Variants in ANO5 observed in about 807,000 individuals in gnomAD.
The protein encoded by ANO5 is anoctamin 5.
In ANO5, 109 loss-of-function variants were observed where a neutral mutation model predicts 121.0. The ratio of observed to expected loss-of-function variants is 0.90; its 90% CI spans 0.77 to 1.06. ANO5 has a LOEUF of 1.06. Ranked by LOEUF, ANO5 falls within the 50% of genes least tolerant of loss-of-function variation. The probability of loss-of-function intolerance (pLI) is 0.00; values close to 1 mark genes in which losing one functional copy is unlikely to be tolerated. For missense variants in ANO5, 1,064 were observed against 1,078.5 expected (o/e 0.99, Z 0.19); for synonymous variants, 406 against 359.9 (o/e 1.13, Z -1.45).
At chr11:22,261,739 A>C (rs12281515) in intron 15 of ANO5, 21,773 of 226,340 alleles carry the variant, frequency 0.096, 3,844 homozygotes, top group African/African-American at 0.41. Context: ...GGGAAACCAC[A>C]CCCATGATTC....
intron 13 of ANO5, 50 bp from the exon 14 acceptor site, chr11:22,257,630 G>A (rs761647017): frequency 1.4e-6 from 2 of 1,470,456 alleles, no homozygotes; most frequent in East Asian, 2.3e-5. Context: ...TTGGAGTCTT[G>A]ACTTAGAGGG....
At chr11:22,229,320 T>C (rs192959629) in intron 7 of ANO5, among the ~76,000 whole-genome samples, 3 of 152,146 alleles carry the variant, frequency 2.0e-5, no homozygotes, top group Admixed American at 2.0e-4. Flanking sequence ...AGTTCCTAAA[T>C]AAATATTTTT....
chr11:22,227,242 T>G, intron 6 of ANO5, 60 bp from the exon 7 acceptor site: 2 of 1,579,152 alleles, frequency 1.3e-6, no homozygotes, highest in Non-Finnish European at 8.7e-7. Context: ...TCTTATTTAA[T>G]CAGCTCAATA....
intron 1 of ANO5, among the ~76,000 whole-genome samples, chr11:22,199,794 G>C (rs530189150): frequency 2.3e-4 from 35 of 152,162 alleles, no homozygotes; most frequent in African/African-American, 7.5e-4. Context: ...GCCTCTTAGA[G>C]ATCTATAGTT....
chr11:22,263,008 A>G lies in ANO5; in HGVS notation c.1863A>G (p.Lys621=). 6.2e-7 allele frequency: 1 copy of G among 1,613,654 alleles called. No homozygotes were observed. Among genetic ancestry groups the G allele is most frequent in the Non-Finnish European group, 8.5e-7 (1 of 1,179,764 alleles). Residue 621 remains lysine (K), a synonymous_variant, in exon 17 of 22, where the codon AAA becomes AAG. Transcript: ENST00000324559. ...AATTGACCATTATAATGACCGGGAA[A>G]CAGATTTTTGGAAACATTAAAGAAG... ...TTQLTIIMTG[K]QIFGNIKEAI...
intron 17 of ANO5, among the ~76,000 whole-genome samples, chr11:22,264,473 T>A (rs1438701767): frequency 1.2e-4 from 14 of 120,028 alleles, no homozygotes; most frequent in African/African-American, 7.5e-4. Flanking sequence ...ATAAAAAAAT[T>A]TTAAAAAAAA....
intron 9 of ANO5, among the ~76,000 whole-genome samples, chr11:22,247,106 T>C (rs1853650510): frequency 6.6e-6 from 1 of 152,136 alleles, no homozygotes; most frequent in Non-Finnish European, 1.5e-5. Context: ...GCACCTATCT[T>C]CATGACAACC....
At chr11:22,199,212 T>G (rs1851892990) in intron 1 of ANO5, among the ~76,000 whole-genome samples, 1 of 152,180 alleles carries the variant, frequency 6.6e-6, no homozygotes, top group Non-Finnish European at 1.5e-5. Context: ...TACAGCAGTT[T>G]TGAAGCTTAA....
chr11:22,231,933 G>A (rs555481419), intron 7 of ANO5, among the ~76,000 whole-genome samples: 10 of 151,970 alleles, frequency 6.6e-5, no homozygotes, highest in East Asian at 1.9e-4. Flanking sequence ...TCCATAAGTC[G>A]TAATTATCAC....
chr11:22,197,612 ATATTT>A (rs936164577), intron 1 of ANO5, among the ~76,000 whole-genome samples: 2 of 152,210 alleles, frequency 1.3e-5, no homozygotes, highest in Non-Finnish European at 2.9e-5. Flanking sequence ...TTGATTAGAA[ATATTT>A]TATTTTATAC....
At chr11:22,237,505 C>T (rs912863528) in intron 8 of ANO5, among the ~76,000 whole-genome samples, 8 of 152,160 alleles carry the variant, frequency 5.3e-5, no homozygotes, top group African/African-American at 1.9e-4. Flanking sequence ...ATTCTCCTGC[C>T]TCAGCCTCCT....
Position 22,225,967 on chromosome 11 carries a change from ATT to A in ANO5, c.295-9_295-8del. The stretch of plus-strand genomic sequence containing the variant: ...AAAAGCATTCTGCATAATTCTGTTG[ATT>A]TTTTTTTGTCATAGGAAAGAAGAAA... On this transcript the variant is annotated splice_polypyrimidine_tract_variant and intron_variant, in intron 5 of 21. Transcript: ENST00000324559. The A allele has an allele frequency of 6.4e-7, 1 of 1,556,352 alleles. No individual in the cohort carries two copies. The highest frequency in any genetic ancestry group is 8.8e-7 in the Non-Finnish European group (1 of 1,130,582).
Position 22,257,753 on chromosome 11 carries a change from G to A in ANO5, c.1406G>A (p.Trp469Ter), listed in dbSNP as rs765427574. The A allele has an allele frequency of 2.5e-6, 4 of 1,608,302 alleles. No homozygotes were observed. The South Asian group carries it at 4.4e-5, about 18-fold the overall frequency. The stretch of plus-strand genomic sequence containing the variant: ...CTTTCAGGAGCCACAGTGACATTAT[G>A]GGTGAGCATTTCTTTAAAAATTGCT... ...YFLSGATVTL[W>*]MSLVVTSMVA... The change falls in exon 14 of 22, where the codon TGG becomes TAG. Residue 469 changes from tryptophan (W) to a stop codon, truncating the protein, a stop_gained and splice_region_variant. Coordinates refer to ENST00000324559, the MANE Select transcript of ANO5 (RefSeq NM_213599.3). LOFTEE classifies it high-confidence loss of function.
chr11:22,274,165 C>A (rs917924825), intron 19 of ANO5, among the ~76,000 whole-genome samples: 43 of 109,468 alleles, frequency 3.9e-4, no homozygotes, highest in African/African-American at 2.0e-3. Context: ...TAATCTCTTA[C>A]ACACACACAC....
intron 9 of ANO5, among the ~76,000 whole-genome samples, chr11:22,245,932 G>A (rs1853600055): frequency 1.3e-5 from 2 of 152,150 alleles, no homozygotes; most frequent in Admixed American, 1.3e-4. Flanking sequence ...ATTTTCAGAT[G>A]AGGGATGCTC....
chr11:22,241,078 G>A (rs1018857996), intron 9 of ANO5, among the ~76,000 whole-genome samples: 1 of 151,472 alleles, frequency 6.6e-6, no homozygotes. Context: ...TGTTTTTTGT[G>A]TGGGTATATT....
At chr11:22,238,314 A>G (rs1853301867) in intron 8 of ANO5, among the ~76,000 whole-genome samples, 4 of 145,618 alleles carry the variant, frequency 2.7e-5, no homozygotes, top group African/African-American at 1.0e-4. Flanking sequence ...GAGTTTTTTA[A>G]AATTAATTTT....
chr11:22,234,577 T>C (rs944164095), intron 7 of ANO5, among the ~76,000 whole-genome samples: 3 of 152,138 alleles, frequency 2.0e-5, no homozygotes, highest in African/African-American at 7.2e-5. Context: ...TGAGTTTAAT[T>C]TTGTGCCAAA....
chr11:22,272,706 A>C, intron 18 of ANO5, 78 bp from the exon 19 acceptor site: 1 of 1,336,140 alleles, frequency 7.5e-7, no homozygotes, highest in African/African-American at 1.4e-5. Flanking sequence ...AAACGAAGGA[A>C]GTAGCAGGAT....
Sources: gnomAD v4.1 joint callset for allele counts (sites outside exome capture counted in the v4.1 genomes callset) on GRCh38, gnomAD v4.1.1 for gene constraint, MANE v1.5 for transcripts, NCBI Gene and HGNC (gene_info 2026-07-23, HGNC 2026-07-21) for gene names.